Variants in INTS6 observed in about 807,000 individuals in gnomAD.
INTS6 encodes DEAD box protein.
Under a neutral mutation model 104.9 loss-of-function variants are expected in INTS6, and 16 were observed. The observed-to-expected ratio is 0.15, with a 90% confidence interval of 0.10 to 0.23. INTS6 has a LOEUF of 0.23. Among genes scored for constraint, INTS6 ranks in the 10% least tolerant of loss-of-function variants. The probability of loss-of-function intolerance (pLI) is 1.00; values close to 1 mark genes in which losing one functional copy is unlikely to be tolerated. For synonymous variants in INTS6, 324 were observed against 358.7 expected (o/e 0.90, Z 1.09); for missense variants, 584 against 1,062.8 (o/e 0.55, Z 6.26).
rs961607175 is a variant in INTS6 at position 51,364,070 on chromosome 13, T to C, written c.*1682A>G. 5 of 396,728 alleles carry C rather than the reference T, an allele frequency of 1.3e-5. No homozygotes were observed. Among genetic ancestry groups the C allele is most frequent in the Non-Finnish European group, 2.2e-5 (5 of 225,434 alleles). 24.6% of individuals were successfully genotyped at this position (396,728 alleles called of 1,614,324 possible). A position where few individuals can be genotyped will look rare whatever the true frequency, so the allele number is the denominator to read the frequency against. On this transcript the variant is annotated 3_prime_UTR_variant, in exon 18 of 18. Coordinates refer to ENST00000311234, the MANE Select transcript of INTS6 (RefSeq NM_012141.3). ...AACAGACAATATATTCTGGATTTTGTGTAACTCTCAATGAATTTAGCAATG... is the reference window on the plus strand; with the variant it reads ...AACAGACAATATATTCTGGATTTTGCGTAACTCTCAATGAATTTAGCAATG...
rs186147201 is a variant in INTS6, at chr13:51,411,169, C to T, written c.430-15686G>A. On this transcript the variant is annotated intron_variant, in intron 4 of 17. Transcript: ENST00000311234. Reference sequence around the variant, plus strand: ...CAGAGGTTGTAGTGAGCCGAGATCGCGCCACTGCACTCCAGCCCGGGTGAC... The same window carrying T: ...CAGAGGTTGTAGTGAGCCGAGATCGTGCCACTGCACTCCAGCCCGGGTGAC... Among the ~76,000 whole-genome samples the T allele has an allele frequency of 1.9e-3, 279 of 148,750 alleles. 3 individuals carry two copies. Among genetic ancestry groups the T allele is most frequent in the Non-Finnish European group, 6.1e-4 (41 of 67,172 alleles).
At chr13:51,446,865 CAG>C (rs892445599) in intron 3 of INTS6, 1 of 152,066 alleles carries the variant, frequency 6.6e-6, no homozygotes, top group African/African-American at 2.4e-5. Flanking sequence ...TTCATAAAAA[CAG>C]AAAGTAGAAT....
intron 4 of INTS6, among the ~76,000 whole-genome samples, chr13:51,420,287 G>T (rs559256204): frequency 1.4e-4 from 21 of 149,558 alleles, no homozygotes; most frequent in African/African-American, 4.7e-4. Flanking sequence ...CACTGGGAAT[G>T]GTACATACTT....
At chr13:51,376,371 C>T (rs547464556) in intron 12 of INTS6, among the ~76,000 whole-genome samples, 197 bp from the exon 13 acceptor site, 3 of 152,118 alleles carry the variant, frequency 2.0e-5, no homozygotes, top group East Asian at 1.9e-4. Context: ...GTGAGCTCAA[C>T]CAAACAATCT....
the INTS6 span, chr13:51,344,504 T>C: frequency 6.5e-7 from 1 of 1,537,576 alleles, no homozygotes. Flanking sequence ...AAACTGTACA[T>C]TTCAACAAGG....
chr13:51,358,417 G>A (rs1447424092), downstream of INTS6, among the ~76,000 whole-genome samples: 1 of 152,126 alleles, frequency 6.6e-6, no homozygotes, highest in Non-Finnish European at 1.5e-5. Flanking sequence ...AGTATGACCA[G>A]CCATACACAA....
At position 51,362,193 on chromosome 13, in the gene INTS6, A is replaced by G. The variant is rs554603715; in HGVS notation, c.*3559T>C. On this transcript the variant is annotated 3_prime_UTR_variant, in exon 18 of 18. Coordinates refer to ENST00000311234, the MANE Select transcript of INTS6 (RefSeq NM_012141.3). The stretch of plus-strand genomic sequence containing the variant: ...TCTGAAGACACTTGGAAAAATCATG[A>G]AAGTAAAATAAATTATAAATCTTGC... The G allele has an allele frequency of 7.6e-6, 5 of 655,088 alleles. No homozygotes were observed. Among genetic ancestry groups the G allele is most frequent in the Admixed American group, 4.0e-5 (1 of 25,120 alleles). The allele number at this position is 655,088 out of a possible 1,614,324, so 40.6% of individuals were successfully genotyped here.
At position 51,373,351 on chromosome 13, in the gene INTS6, C is replaced by G. The variant is rs137889658; in HGVS notation, c.2104+857G>C. 5.0e-3 allele frequency among the ~76,000 whole-genome samples: 756 copies of G among 152,236 alleles called. 6 individuals carry two copies. The highest frequency in any genetic ancestry group is 0.017 in the African/African-American group (723 of 41,552). ...AGTCCATTAATTCATTAGGGTTTCCCTACATTCATTCTTGCTCCTCTCTGA... is the reference window on the plus strand; with the variant it reads ...AGTCCATTAATTCATTAGGGTTTCCGTACATTCATTCTTGCTCCTCTCTGA... On this transcript the variant is annotated intron_variant, in intron 15 of 17. Transcript: ENST00000311234.
the INTS6 span, chr13:51,348,458 G>A: frequency 1.3e-6 from 2 of 1,541,494 alleles, no homozygotes; most frequent in Non-Finnish European, 1.8e-6. Context: ...CCAGCAGTCA[G>A]AAGAGCGTGG....
At chr13:51,393,102 G>A (rs1274060862) in intron 5 of INTS6, among the ~76,000 whole-genome samples, 20 of 135,978 alleles carry the variant, frequency 1.5e-4, no homozygotes, top group Non-Finnish European at 2.6e-4. Flanking sequence ...TTGTGAGACA[G>A]AGTCTCTCTC....
chr13:51,411,219 AAATAAATAAATAAAT>A (rs1956680676), intron 4 of INTS6, among the ~76,000 whole-genome samples: 1 of 45,552 alleles, frequency 2.2e-5, no homozygotes, highest in Non-Finnish European at 3.7e-5. Context: ...TCTCAAAAAT[AAATAAATAAATAAAT>A]AAATAAATAA....
At chr13:51,365,967 A>G (rs1955679268) in intron 17 of INTS6, 122 bp from the exon 18 acceptor site, 1 of 544,758 alleles carries the variant, frequency 1.8e-6, no homozygotes, top group Non-Finnish European at 3.3e-6. Flanking sequence ...TGAAAATAGA[A>G]AAATCAATAC....
intron 4 of INTS6, among the ~76,000 whole-genome samples, chr13:51,426,510 C>A (rs1722265244): frequency 6.6e-6 from 1 of 152,052 alleles, no homozygotes; most frequent in South Asian, 2.1e-4. Flanking sequence ...GCACATTATA[C>A]AAGATTTGAC....
chr13:51,391,828 T>A (rs1476330618), intron 5 of INTS6, among the ~76,000 whole-genome samples: 2 of 152,258 alleles, frequency 1.3e-5, no homozygotes, highest in Admixed American at 1.3e-4. Flanking sequence ...TAGAAATATC[T>A]ATAATTTTTA....
the INTS6 span, among the ~76,000 whole-genome samples, chr13:51,338,651 C>A: frequency 3.3e-3 from 496 of 152,272 alleles, 2 homozygotes; most frequent in South Asian, 0.011. Context: ...TTAGAGAATA[C>A]CCTGTCCATT....
the INTS6 span, among the ~76,000 whole-genome samples, chr13:51,345,592 CAAAA>C: frequency 2.7e-5 from 1 of 37,018 alleles, no homozygotes; most frequent in Non-Finnish European, 5.6e-5. Flanking sequence ...GATTTCATCT[CAAAA>C]AAAAAAAAAA....
At chr13:51,348,314 AC>A in the INTS6 span, 5 of 1,611,158 alleles carry the variant, frequency 3.1e-6, no homozygotes, top group East Asian at 2.2e-5. Context: ...TGACAAAGAC[AC>A]CCCCCTGAGC....
downstream of INTS6, among the ~76,000 whole-genome samples, chr13:51,358,133 C>T (rs768516135): frequency 1.4e-4 from 22 of 152,196 alleles, no homozygotes; most frequent in Admixed American, 2.0e-4. Context: ...CACTCTCTCT[C>T]CCTCTCCTGG....
intron 4 of INTS6, among the ~76,000 whole-genome samples, chr13:51,411,125 A>C (rs141542085): frequency 0.011 from 1,719 of 151,966 alleles, 26 homozygotes; most frequent in East Asian, 0.071. Context: ...AGGCACGAGA[A>C]TTGCTTGAAC....
Sources: allele counts gnomAD v4.1 joint callset (sites outside exome capture counted in the v4.1 genomes callset), GRCh38; gene constraint gnomAD v4.1.1; transcripts MANE v1.5; gene names NCBI Gene and HGNC (gene_info 2026-07-23, HGNC 2026-07-21).